Variants in RAI1 observed in about 807,000 individuals in gnomAD.
RAI1 encodes retinoic acid-induced protein 1.
RAI1 carries 9 observed loss-of-function variants against 123.8 expected under a neutral mutation model. The ratio of observed to expected loss-of-function variants is 0.07; its 90% confidence interval spans 0.04 to 0.13. The LOEUF is 0.13. RAI1 is among the 10% of genes least tolerant of loss of function. The probability of loss-of-function intolerance (pLI) is 1.00; values close to 1 mark genes in which losing one functional copy is unlikely to be tolerated. For synonymous variants in RAI1, 1,231 were observed against 1,127.3 expected (o/e 1.09, Z -1.84); for missense variants, 2,256 against 2,545.8 (o/e 0.89, Z 2.45).
chr17:17,728,386 C>T (rs180830146), intron 2 of RAI1, among the ~76,000 whole-genome samples: 29 of 152,202 alleles, frequency 1.9e-4, no homozygotes, highest in East Asian at 9.7e-4. Flanking sequence ...TGAAATGATC[C>T]GCACGTTAAT....
intron 1 of RAI1, among the ~76,000 whole-genome samples, chr17:17,722,130 G>C (rs919513166): frequency 6.6e-6 from 1 of 152,152 alleles, no homozygotes; most frequent in Middle Eastern, 3.2e-3. Context: ...GAGACAGACA[G>C]ACTCACTGGC....
At chr17:17,780,082 T>TTTTTTTTTTTA (rs71152902) in intron 2 of RAI1, among the ~76,000 whole-genome samples, 2,692 of 110,856 alleles carry the variant, frequency 0.024, 100 homozygotes, top group Middle Eastern at 0.048. Context: ...GGCTTTTTTT[T>TTTTTTTTTTTA]AAGACAAGAG....
intron 2 of RAI1, among the ~76,000 whole-genome samples, chr17:17,731,085 C>A (rs1219096429): frequency 3.9e-5 from 6 of 152,216 alleles, no homozygotes; most frequent in African/African-American, 1.4e-4. Context: ...CTCATACCCA[C>A]CCAGCCCTTG....
At chr17:17,767,911 C>T (rs2031003599) in intron 2 of RAI1, among the ~76,000 whole-genome samples, 1 of 152,140 alleles carries the variant, frequency 6.6e-6, no homozygotes, top group Non-Finnish European at 1.5e-5. Context: ...AACGTGGGCT[C>T]ACTCCAGCCT....
intron 1 of RAI1, among the ~76,000 whole-genome samples, chr17:17,695,002 A>G (rs1567826170): frequency 6.6e-6 from 1 of 151,718 alleles, no homozygotes; most frequent in Non-Finnish European, 1.5e-5. Context: ...AATGAAAGAG[A>G]GTCTGTGCGG....
intron 3 of RAI1, among the ~76,000 whole-genome samples, chr17:17,802,968 C>T (rs1270306105): frequency 6.6e-6 from 1 of 151,946 alleles, no homozygotes; most frequent in Non-Finnish European, 1.5e-5. Flanking sequence ...CCTGTAATCC[C>T]AGCTACTCGG....
At chr17:17,695,736 G>A (rs528692167) in intron 1 of RAI1, among the ~76,000 whole-genome samples, 1 of 152,214 alleles carries the variant, frequency 6.6e-6, no homozygotes, top group East Asian at 1.9e-4. Context: ...TGGCCAGGCT[G>A]GTTCCAAACT....
At chr17:17,778,984 T>A (rs1402737554) in intron 2 of RAI1, 1 of 440,014 alleles carries the variant, frequency 2.3e-6, no homozygotes, top group East Asian at 7.1e-5. Context: ...AGTATTCTGT[T>A]CACTCTGGGA....
Position 17,798,445 on chromosome 17 carries a change from G to A in RAI1, c.5497G>A (p.Gly1833Ser), listed in dbSNP as rs746757791. ...GCATGAGGCCTGTGCCGTGTGGACCGGCGGCGTCTACCTGGTGGCCGGGAA... is the reference window on the plus strand; with the variant it reads ...GCATGAGGCCTGTGCCGTGTGGACCAGCGGCGTCTACCTGGTGGCCGGGAA... ...WVHEACAVWT[G>S]GVYLVAGKLF... The change falls in exon 3 of 6, where the codon GGC becomes AGC. Residue 1833 changes from glycine to serine, a missense_variant. Physicochemically the swap from Gly to Ser is moderately conservative, Grantham distance 56. Around this residue, in one of 7 missense-constraint regions of RAI1, gnomAD observed 243 missense variants for 316.6 expected, o/e 0.77. Coordinates refer to ENST00000353383, the MANE Select transcript of RAI1 (RefSeq NM_030665.4). 51 of 1,609,014 alleles carry A rather than the reference G, an allele frequency of 3.2e-5. No homozygotes were observed. The highest frequency in any genetic ancestry group is 3.6e-5 in the Non-Finnish European group (43 of 1,179,744).
chr17:17,803,797 C>T lies in RAI1; in HGVS notation c.5607C>T (p.Cys1869=), dbSNP rs773547224. Residue 1869 remains cysteine (C), a synonymous_variant, in exon 4 of 6, where the codon TGC becomes TGT. Coordinates refer to ENST00000353383, the MANE Select transcript of RAI1 (RefSeq NM_030665.4). ...SCQEAGATIG[C]CHKGCLHTYH... Reference sequence around the variant, plus strand: ...AAGAAGCCGGGGCCACCATTGGGTGCTGCCACAAAGGATGCCTCCACACCT... The same window carrying T: ...AAGAAGCCGGGGCCACCATTGGGTGTTGCCACAAAGGATGCCTCCACACCT... 4 of 1,613,512 alleles carry T rather than the reference C, an allele frequency of 2.5e-6. No homozygotes were observed. The highest frequency in any genetic ancestry group is 3.4e-6 in the Non-Finnish European group (4 of 1,180,004).
chr17:17,810,075 A>G lies in RAI1; in HGVS notation c.*94A>G. The G allele has an allele frequency of 6.8e-7, 1 of 1,480,090 alleles. No homozygotes were observed. Among genetic ancestry groups the G allele is most frequent in the South Asian group, 1.2e-5 (1 of 80,628 alleles). 91.7% of individuals were successfully genotyped at this position (1,480,090 alleles called of 1,614,324 possible). A position where few individuals can be genotyped will look rare whatever the true frequency, so the allele number is the denominator to read the frequency against. ...CGCCTGCGCAGCCCCCGGGCCTTTG[A>G]GCTGCTCCCAGCGCTGGTCCAGAGC... On this transcript the variant is annotated 3_prime_UTR_variant, in exon 6 of 6. Coordinates refer to ENST00000353383, the MANE Select transcript of RAI1 (RefSeq NM_030665.4). This position sits in a 1 kb window ranked among gnomAD's most constrained non-coding sequence, Gnocchi z 4.6.
chr17:17,694,928 G>C (rs1243212476), intron 1 of RAI1, among the ~76,000 whole-genome samples: 6 of 152,100 alleles, frequency 3.9e-5, no homozygotes, highest in African/African-American at 7.2e-5. Context: ...GCGCTTGCGG[G>C]TTACCGGGCC....
At chr17:17,782,646 A>G (rs1414723445) in intron 2 of RAI1, among the ~76,000 whole-genome samples, 1 of 112,892 alleles carries the variant, frequency 8.9e-6, no homozygotes, top group Non-Finnish European at 1.7e-5. Flanking sequence ...ACGAGGACCC[A>G]GTGGGGACCG....
intron 4 of RAI1, among the ~76,000 whole-genome samples, chr17:17,808,146 G>A (rs1024592546): frequency 6.6e-6 from 1 of 152,134 alleles, no homozygotes; most frequent in Non-Finnish European, 1.5e-5. Flanking sequence ...TTGGGGGAGG[G>A]GAGCCGAGAA....
chr17:17,797,173 A>G lies in RAI1; in HGVS notation c.4225A>G (p.Lys1409Glu). Residue 1409 changes from lysine to glutamate, a missense_variant, in exon 3 of 6, where the codon AAA becomes GAA. By Grantham distance (56) the Lys-to-Glu change is moderately conservative. Around this residue, in one of 7 missense-constraint regions of RAI1, gnomAD observed 410 missense variants for 374.6 expected, o/e 1.09. Coordinates refer to ENST00000353383, the MANE Select transcript of RAI1 (RefSeq NM_030665.4). Reference sequence around the variant, plus strand: ...CAGAAATCCAACCAACAGATCCTTAAAAGGCAAACTCATGAACAGTAAGAA... The same window carrying G: ...CAGAAATCCAACCAACAGATCCTTAGAAGGCAAACTCATGAACAGTAAGAA... Reference protein sequence around the residue: ...LCRNPTNRSLKGKLMNSKKLS... With the variant: ...LCRNPTNRSLEGKLMNSKKLS... 4 of 1,613,944 alleles carry G rather than the reference A, an allele frequency of 2.5e-6. No homozygotes were observed. Among genetic ancestry groups the G allele is most frequent in the Non-Finnish European group, 3.4e-6 (4 of 1,180,028 alleles).
At chr17:17,723,451 G>GT (rs1228321268) in intron 1 of RAI1, among the ~76,000 whole-genome samples, 5 of 150,688 alleles carry the variant, frequency 3.3e-5, no homozygotes, top group African/African-American at 1.2e-4. Flanking sequence ...CCGCAGGCTC[G>GT]TAAGTCACTG....
intron 2 of RAI1, among the ~76,000 whole-genome samples, chr17:17,784,037 TTAA>T (rs1311807746): frequency 6.6e-6 from 1 of 152,178 alleles, no homozygotes; most frequent in African/African-American, 2.4e-5. Flanking sequence ...TTCTCTCTCC[TTAA>T]TAATAAAATT....
intron 2 of RAI1, chr17:17,777,398 C>T (rs1286207978): frequency 6.6e-6 from 1 of 152,234 alleles, no homozygotes; most frequent in Non-Finnish European, 1.5e-5. Context: ...CCAGCCTGCA[C>T]CCGTTACCAA....
chr17:17,688,095 C>T (rs1230853488), intron 1 of RAI1, among the ~76,000 whole-genome samples: 1 of 149,846 alleles, frequency 6.7e-6, no homozygotes, highest in Admixed American at 6.7e-5. Context: ...GGTCCTATAG[C>T]TTGGGGCCAT....
Sources: gnomAD v4.1 joint callset for allele counts (sites outside exome capture counted in the v4.1 genomes callset) on GRCh38, gnomAD v4.1.1 for gene constraint, gnomAD v4.1.1 regional missense constraint, Gnocchi (gnomAD v3.1) non-coding constraint, MANE v1.5 for transcripts, NCBI Gene and HGNC (gene_info 2026-07-23, HGNC 2026-07-21) for gene names.